FAM83B: variants seen among roughly 807,000 people sequenced by gnomAD.
The protein encoded by FAM83B is scaffolding CK1 anchoring protein B.
A neutral mutation model predicts 38.8 loss-of-function variants in FAM83B; 26 were observed. The observed-to-expected ratio is 0.67, with a 90% CI of 0.49 to 0.93. The LOEUF (loss-of-function observed/expected upper bound fraction) is 0.93. Among genes scored for constraint, FAM83B ranks in the 40% least tolerant of loss-of-function variants. The pLI, the probability that FAM83B is intolerant of heterozygous loss-of-function variation, is 0.00. For synonymous variants in FAM83B, 419 were observed against 423.1 expected (o/e 0.99, Z 0.12); for missense variants, 1,237 against 1,197.3 (o/e 1.03, Z -0.49).
chr6:54,848,517 T>C (rs567817430), intron 1 of FAM83B, among the ~76,000 whole-genome samples: 1 of 152,348 alleles, frequency 6.6e-6, no homozygotes, highest in South Asian at 2.1e-4. Context: ...TTTACGTTTA[T>C]GCCCTTGAGT....
chr6:54,895,033 A>G (rs1279864851), intron 2 of FAM83B, among the ~76,000 whole-genome samples: 2 of 152,202 alleles, frequency 1.3e-5, no homozygotes, highest in Non-Finnish European at 2.9e-5. Context: ...TCAAGAGGTT[A>G]AGTAATTTGA....
chr6:54,846,215 A>C (rs1010890793), upstream of FAM83B, among the ~76,000 whole-genome samples: 3 of 152,208 alleles, frequency 2.0e-5, no homozygotes, highest in Admixed American at 6.5e-5. Flanking sequence ...GGCACTGAGA[A>C]GGAGTCTGCA....
chr6:54,905,716 T>C (rs1386651298), intron 2 of FAM83B, among the ~76,000 whole-genome samples: 4 of 152,164 alleles, frequency 2.6e-5, no homozygotes, highest in Admixed American at 2.6e-4. Flanking sequence ...AAAACTTATA[T>C]GTTAACAAAA....
chr6:54,855,087 A>T (rs1200550591), intron 1 of FAM83B, among the ~76,000 whole-genome samples: 1 of 152,200 alleles, frequency 6.6e-6, no homozygotes, highest in Non-Finnish European at 1.5e-5. Context: ...AAAATTGATT[A>T]TAAGTTCAAA....
intron 1 of FAM83B, among the ~76,000 whole-genome samples, chr6:54,853,264 A>G (rs1480491686): frequency 6.6e-6 from 1 of 152,222 alleles, no homozygotes; most frequent in Non-Finnish European, 1.5e-5. Flanking sequence ...AGCTGAAGCA[A>G]GTTATCCAGA....
intron 2 of FAM83B, among the ~76,000 whole-genome samples, chr6:54,898,047 T>C (rs539425898): frequency 2.5e-4 from 38 of 152,220 alleles, no homozygotes; most frequent in Non-Finnish European, 5.1e-4. Flanking sequence ...TATTTTTTTC[T>C]CCCTCTATTC....
chr6:54,939,643 A>C, intron 4 of FAM83B, 63 bp from the exon 5 acceptor site: 6 of 1,400,942 alleles, frequency 4.3e-6, no homozygotes, highest in Non-Finnish European at 5.7e-6. Context: ...TACTTTTTTT[A>C]GTAGAACTAT....
chr6:54,907,318 A>C (rs1380171784), intron 2 of FAM83B, among the ~76,000 whole-genome samples: 2 of 152,310 alleles, frequency 1.3e-5, no homozygotes, highest in Middle Eastern at 3.4e-3. Flanking sequence ...TTTTATTTAC[A>C]TATCTCAATG....
intron 2 of FAM83B, among the ~76,000 whole-genome samples, chr6:54,871,403 A>G (rs1771849196): frequency 6.6e-6 from 1 of 151,782 alleles, no homozygotes; most frequent in African/African-American, 2.4e-5. Context: ...AAAATTTGCC[A>G]AGCTCAATCT....
rs145631734 is a variant in FAM83B, at chr6:54,932,579, A to C, written c.734+4947A>C. On this transcript the variant is annotated intron_variant, in intron 4 of 4. Coordinates refer to ENST00000306858, the MANE Select transcript of FAM83B (RefSeq NM_001010872.3). ...TTTTACTGGAGAACTTGATATTTTC[A>C]TAAGGCTTTGTGTTGCTCTCTACCA... 5.3e-5 allele frequency among the ~76,000 whole-genome samples: 8 copies of C among 152,296 alleles called. No individual in the cohort carries two copies. The East Asian group carries it at 1.5e-3, about 29-fold the overall frequency.
Position 54,940,361 on chromosome 6 carries a change from C to G in FAM83B, c.1390C>G (p.Arg464Gly), listed in dbSNP as rs375679054. The change falls in exon 5 of 5, where the codon CGG becomes GGG. Residue 464 changes from arginine to glycine, a missense_variant. Arg to Gly is a moderately radical substitution (Grantham distance 125). Coordinates refer to ENST00000306858, the MANE Select transcript of FAM83B (RefSeq NM_001010872.3). ...TCTTGCAGACAGGAATTCAAATGTT[C>G]GGAGGTCTTTTAATGGGACAGATAA... Reference protein sequence around the residue: ...TNLADRNSNVRRSFNGTDNHI... With the variant: ...TNLADRNSNVGRSFNGTDNHI... 8 of 1,613,940 alleles carry G rather than the reference C, an allele frequency of 5.0e-6. No homozygotes were observed. The highest frequency in any genetic ancestry group is 1.3e-5 in the African/African-American group (1 of 74,908).
At chr6:54,897,656 T>A (rs1314070266) in intron 2 of FAM83B, among the ~76,000 whole-genome samples, 1 of 152,204 alleles carries the variant, frequency 6.6e-6, no homozygotes, top group African/African-American at 2.4e-5. Flanking sequence ...TCATTTTCTT[T>A]CTTTTTGTCT....
chr6:54,857,142 C>T (rs2127572337), intron 1 of FAM83B, among the ~76,000 whole-genome samples: 1 of 152,270 alleles, frequency 6.6e-6, no homozygotes, highest in South Asian at 2.1e-4. Flanking sequence ...TAGACTTTCG[C>T]ACTATTTTAT....
chr6:54,855,630 A>G (rs1288362742), intron 1 of FAM83B, among the ~76,000 whole-genome samples: 2 of 152,034 alleles, frequency 1.3e-5, no homozygotes, highest in Non-Finnish European at 2.9e-5. Flanking sequence ...AGCATGTTAA[A>G]TCTTGTATGT....
intron 1 of FAM83B, among the ~76,000 whole-genome samples, chr6:54,862,207 T>G (rs185678513): frequency 1.1e-4 from 17 of 152,292 alleles, no homozygotes; most frequent in African/African-American, 4.1e-4. Flanking sequence ...ACTCTTCTAG[T>G]GGCTAATGGG....
At chr6:54,901,420 G>A (rs1282745859) in intron 2 of FAM83B, among the ~76,000 whole-genome samples, 4 of 151,914 alleles carry the variant, frequency 2.6e-5, no homozygotes, top group Admixed American at 2.6e-4. Context: ...CCTGTTACAA[G>A]ATAGTTTTAT....
intron 2 of FAM83B, among the ~76,000 whole-genome samples, chr6:54,922,474 T>C (rs372141460): frequency 7.0e-6 from 1 of 143,488 alleles, no homozygotes; most frequent in African/African-American, 3.0e-5. Flanking sequence ...AGCTAATGCA[T>C]TAAATTAATA....
At chr6:54,851,868 C>T (rs992326630) in intron 1 of FAM83B, among the ~76,000 whole-genome samples, 6 of 151,794 alleles carry the variant, frequency 4.0e-5, no homozygotes, top group African/African-American at 4.8e-5. Context: ...GGGATGGTCT[C>T]GATCTCTTGA....
chr6:54,920,360 A>G (rs572876697), intron 2 of FAM83B, among the ~76,000 whole-genome samples: 1 of 151,804 alleles, frequency 6.6e-6, no homozygotes, highest in African/African-American at 2.4e-5. Flanking sequence ...AGAACTCCCT[A>G]TGAGTTTTTC....
Sources: allele counts gnomAD v4.1 joint callset (sites outside exome capture counted in the v4.1 genomes callset), GRCh38; gene constraint gnomAD v4.1.1; transcripts MANE v1.5; gene names NCBI Gene and HGNC (gene_info 2026-07-23, HGNC 2026-07-21).